DAB1: variants seen among roughly 807,000 people sequenced by gnomAD.
DAB1 encodes the protein disabled homolog 1.
A neutral mutation model predicts 64.6 loss-of-function variants in DAB1; 15 were observed. That is an observed-to-expected ratio of 0.23 (90% CI 0.16 to 0.36). The LOEUF is 0.36. Among genes scored for constraint, DAB1 ranks in the 10% least tolerant of loss-of-function variants. The pLI is 1.00. For missense variants in DAB1, 596 were observed against 706.7 expected, an observed-to-expected ratio of 0.84 and a Z score of 1.78; for synonymous variants, 235 against 251.9, an observed-to-expected ratio of 0.93 and a Z score of 0.64.
At chr1:58,469,570 T>A (rs542047823) in intron 3 of DAB1, among the ~76,000 whole-genome samples, 1 of 152,330 alleles carries the variant, frequency 6.6e-6, no homozygotes, top group East Asian at 1.9e-4. Flanking sequence ...ATCAGAATGA[T>A]CTCCACTGAA....
At chr1:58,398,531 G>A (rs1644542611) in intron 3 of DAB1, among the ~76,000 whole-genome samples, 1 of 152,210 alleles carries the variant, frequency 6.6e-6, no homozygotes. Flanking sequence ...CGCATCCATA[G>A]CAGATCGTAG....
Position 57,958,060 on chromosome 1 carries a change from C to T in DAB1, n.388-73898G>A, listed in dbSNP as rs189110290. On this transcript the variant is annotated intron_variant and non_coding_transcript_variant, in intron 5 of 20. Coordinates refer to the DAB1 transcript ENST00000485760. ...AGTGCAGTAGCATGATCTCAGCTCA[C>T]TTCAACCTCTGCCTCCCAGGCTCAA... Among the ~76,000 whole-genome samples the T allele has an allele frequency of 2.0e-5, 3 of 152,006 alleles. No homozygotes were observed. The East Asian group carries it at 5.8e-4, about 29-fold the overall frequency.
At chr1:58,265,604 A>C (rs1661140850) in intron 4 of DAB1, among the ~76,000 whole-genome samples, 1 of 152,244 alleles carries the variant, frequency 6.6e-6, no homozygotes, top group Non-Finnish European at 1.5e-5. Flanking sequence ...AAAGAATATT[A>C]ATCAATTCTG....
chr1:58,411,923 A>T (rs1414283524), intron 3 of DAB1, among the ~76,000 whole-genome samples: 2 of 152,142 alleles, frequency 1.3e-5, no homozygotes, highest in African/African-American at 4.8e-5. Context: ...AGTTTCTCAT[A>T]CCATTTTTGG....
At chr1:58,416,273 C>T (rs1487241707) in intron 3 of DAB1, among the ~76,000 whole-genome samples, 3 of 152,182 alleles carry the variant, frequency 2.0e-5, no homozygotes, top group Non-Finnish European at 1.5e-5. Flanking sequence ...AGGGTTCAAG[C>T]TCTGAACCTA....
chr1:57,624,566 C>A (rs972616622), intron 7 of DAB1, among the ~76,000 whole-genome samples: 3 of 152,176 alleles, frequency 2.0e-5, no homozygotes, highest in Non-Finnish European at 4.4e-5. Flanking sequence ...TTATCATTGC[C>A]TCTATTTGGA....
intron 3 of DAB1, among the ~76,000 whole-genome samples, chr1:58,415,880 TG>T (rs1258500446): frequency 2.6e-5 from 4 of 152,244 alleles, no homozygotes; most frequent in Admixed American, 1.3e-4. Flanking sequence ...CAAGTCGCTC[TG>T]CTTCAATTTC....
chr1:57,552,002 A>G (rs1310992452), intron 7 of DAB1, among the ~76,000 whole-genome samples: 2 of 152,210 alleles, frequency 1.3e-5, no homozygotes, highest in East Asian at 3.9e-4. Context: ...ATGCAGAGCA[A>G]TTGAGAAGAT....
At chr1:58,039,079 T>C (rs140570698) in intron 5 of DAB1, among the ~76,000 whole-genome samples, 3 of 152,192 alleles carry the variant, frequency 2.0e-5, no homozygotes, top group Admixed American at 1.3e-4. Context: ...GTATTTCTGA[T>C]GCTTTGATGT....
At chr1:58,150,852 CCCA>C (rs1654889034) in intron 4 of DAB1, among the ~76,000 whole-genome samples, 1 of 152,114 alleles carries the variant, frequency 6.6e-6, no homozygotes, top group Non-Finnish European at 1.5e-5. Context: ...GTCCCCTCAC[CCCA>C]CGACAAGCCC....
At chr1:58,304,094 A>T (rs1320332075) in intron 4 of DAB1, among the ~76,000 whole-genome samples, 1 of 152,110 alleles carries the variant, frequency 6.6e-6, no homozygotes, top group Non-Finnish European at 1.5e-5. Flanking sequence ...ACGGGGAAAA[A>T]TTCATGATTC....
intron 1 of DAB1, among the ~76,000 whole-genome samples, chr1:58,532,984 C>T (rs1364883077): frequency 6.6e-6 from 1 of 152,302 alleles, no homozygotes; most frequent in South Asian, 2.1e-4. Flanking sequence ...GAATCATTAT[C>T]ATTTCCATTT....
intron 12 of DAB1, among the ~76,000 whole-genome samples, chr1:57,014,621 T>C (rs1298853977): frequency 6.6e-6 from 1 of 152,220 alleles, no homozygotes; most frequent in Non-Finnish European, 1.5e-5. Context: ...CTCACTTTCA[T>C]TATCTGTCAA....
intron 5 of DAB1, among the ~76,000 whole-genome samples, chr1:58,107,304 A>C (rs12077733): frequency 7.9e-6 from 1 of 126,344 alleles, no homozygotes; most frequent in Admixed American, 7.7e-5. Context: ...CTAAAAATAC[A>C]AAAAAAAAAA....
chr1:58,276,601 T>G lies in DAB1; in HGVS notation n.309+66751A>C, dbSNP rs1340273940. ...GCTGAGTAGAGACAAGGTTGGCTGA[T>G]GAGGCTGGAGAGAGGCAAGGTTTGC... is the stretch of plus-strand genomic sequence containing the variant. On this transcript the variant is annotated intron_variant and non_coding_transcript_variant, in intron 4 of 20. Transcript: ENST00000485760. Among the ~76,000 whole-genome samples, 2 of 152,304 alleles carry G rather than the reference T, an allele frequency of 1.3e-5. 1 individual carries two copies. The highest frequency in any genetic ancestry group is 6.8e-3 in the Middle Eastern group (2 of 294).
chr1:58,383,827 T>C (rs6587813), intron 3 of DAB1, among the ~76,000 whole-genome samples: 111,430 of 152,128 alleles, frequency 0.73, 42,091 homozygotes, highest in African/African-American at 0.93. Context: ...TTGTGGATAA[T>C]GCTGCAATGA....
At chr1:57,890,678 C>T (rs912904876) in intron 5 of DAB1, among the ~76,000 whole-genome samples, 2 of 152,100 alleles carry the variant, frequency 1.3e-5, no homozygotes, top group Non-Finnish European at 2.9e-5. Flanking sequence ...CAGTCCCAAA[C>T]TCCTGGTCTC....
chr1:58,118,605 T>TA (rs1652535916), intron 5 of DAB1, among the ~76,000 whole-genome samples: 1 of 87,022 alleles, frequency 1.1e-5, no homozygotes, highest in Non-Finnish European at 1.9e-5. Context: ...ACTATATATA[T>TA]ATACATATAT....
At chr1:57,044,772 CAA>C (rs938002995) in intron 9 of DAB1, among the ~76,000 whole-genome samples, 3 of 151,970 alleles carry the variant, frequency 2.0e-5, no homozygotes, top group African/African-American at 7.3e-5. Context: ...ACAAAGAAGA[CAA>C]AAAAAGTACA....
Sources: allele counts gnomAD v4.1 joint callset (sites outside exome capture counted in the v4.1 genomes callset), GRCh38; gene constraint gnomAD v4.1.1; transcripts MANE v1.5; gene names NCBI Gene and HGNC (gene_info 2026-07-23, HGNC 2026-07-21).